Variants in LRRC23 observed in about 807,000 individuals in gnomAD.
LRRC23 encodes the protein leucine rich repeat containing 23.
Under a neutral mutation model 37.7 loss-of-function variants are expected in LRRC23, and 28 were observed. That is an observed-to-expected ratio of 0.74 (90% CI 0.55 to 1.02). The LOEUF is 1.02. LRRC23 is among the 50% of genes least tolerant of loss of function. LRRC23 has a pLI of 0.00. For missense variants in LRRC23, 377 were observed against 413.2 expected (o/e 0.91, Z 0.76); for synonymous variants, 161 against 165.4 (o/e 0.97, Z 0.20).
chr12:6,912,386 C>T (rs1591645435), intron 6 of LRRC23, among the ~76,000 whole-genome samples: 1 of 152,122 alleles, frequency 6.6e-6, no homozygotes, highest in South Asian at 2.1e-4. Flanking sequence ...TTCTACCCTC[C>T]ATTTAGGTGT....
intron 6 of LRRC23, among the ~76,000 whole-genome samples, chr12:6,912,158 G>T (rs1555140829): frequency 6.6e-6 from 1 of 152,110 alleles, no homozygotes; most frequent in Non-Finnish European, 1.5e-5. Context: ...CTCCAGCTTA[G>T]ATCCCAGTTC....
rs143109309 is a variant in LRRC23 at position 6,912,328 on chromosome 12, C to T, written c.759-402C>T. ...GCCCAGCTAATTTTTTTATTTTTAG[C>T]TTTTGTACAGATGGGGTCTCGCTAT... On this transcript the variant is annotated intron_variant, in intron 6 of 7. Coordinates refer to ENST00000443597, the MANE Select transcript of LRRC23 (RefSeq NM_001135217.2). Among the ~76,000 whole-genome samples, 802 of 152,120 alleles carry T rather than the reference C, an allele frequency of 5.3e-3. 5 individuals carry two copies. The highest frequency in any genetic ancestry group is 0.019 in the African/African-American group (773 of 41,490).
Position 6,905,875 on chromosome 12 carries a change from A to G in LRRC23, c.157A>G (p.Met53Val), listed in dbSNP as rs781792889. The change falls in exon 3 of 8, where the codon ATG becomes GTG. Residue 53 changes from methionine to valine, a missense_variant. Around this residue, in one of 3 missense-constraint regions of LRRC23, gnomAD observed 106 missense variants for 105.9 expected, o/e 1.00. Coordinates refer to ENST00000443597, the MANE Select transcript of LRRC23 (RefSeq NM_001135217.2). ...WLPTPLTEDM[M>V]KEGLSLLCKT... Reference sequence around the variant, plus strand: ...GCCCACCCCCCTCACGGAGGACATGATGAAGGAAGGGCTTTCTCTGCTCTG... The same window carrying G: ...GCCCACCCCCCTCACGGAGGACATGGTGAAGGAAGGGCTTTCTCTGCTCTG... The G allele has an allele frequency of 6.2e-7, 1 of 1,613,972 alleles. No homozygotes were observed. The highest frequency in any genetic ancestry group is 2.2e-5 in the East Asian group (1 of 44,862).
At position 6,905,619 on chromosome 12, in the gene LRRC23, C is replaced by A. The variant is rs782123957; in HGVS notation, c.-15C>A. ...TGAGCTTATCTGACTCCAGAGCTTT[C>A]AGGAGGGAAGAAAGATGTCAGATGA... On this transcript the variant is annotated 5_prime_UTR_variant, in exon 2 of 8. Coordinates refer to ENST00000443597, the MANE Select transcript of LRRC23 (RefSeq NM_001135217.2). 6.2e-7 allele frequency: 1 copy of A among 1,613,346 alleles called. No homozygotes were observed. Among genetic ancestry groups the A allele is most frequent in the South Asian group, 1.1e-5 (1 of 90,968 alleles).
chr12:6,905,477 A>G, intron 1 of LRRC23, 108 bp from the exon 2 acceptor site: 1 of 671,204 alleles, frequency 1.5e-6, no homozygotes, highest in Non-Finnish European at 2.7e-6. Context: ...TAAGGAAAGA[A>G]GCCTAGAGTT....
At position 6,914,158 on chromosome 12, in the gene LRRC23, G is replaced by C; in HGVS notation, c.*292G>C. The C allele has an allele frequency of 7.7e-7, 1 of 1,298,706 alleles. No individual in the cohort carries two copies. Among genetic ancestry groups the C allele is most frequent in the Non-Finnish European group, 1.0e-6 (1 of 959,576 alleles). 80.4% of individuals were successfully genotyped at this position (1,298,706 alleles called of 1,614,324 possible). ...AAGACCGCGTGGGCCGCGGGGTGCT[G>C]GTAGGAGTGGTTGGAGAGACTTGCG... On this transcript the variant is annotated 3_prime_UTR_variant, in exon 8 of 8. Transcript: ENST00000443597. This position sits in a 1 kb window ranked among gnomAD's most constrained non-coding sequence, Gnocchi z 7.1.
chr12:6,905,660 C>T lies in LRRC23; in HGVS notation c.27C>T (p.Asp9=), dbSNP rs782586389. 6.2e-7 allele frequency: 1 copy of T among 1,613,762 alleles called. No individual in the cohort carries two copies. ...TGTCAGATGAAGATGATCTAGAAGACTCTGAGCCAGACCAGGATGATTCTG... is the reference window on the plus strand; with the variant it reads ...TGTCAGATGAAGATGATCTAGAAGATTCTGAGCCAGACCAGGATGATTCTG... MSDEDDLE[D]SEPDQDDSEK... Residue 9 remains aspartate (D), a synonymous_variant, in exon 2 of 8, where the codon GAC becomes GAT. Coordinates refer to ENST00000443597, the MANE Select transcript of LRRC23 (RefSeq NM_001135217.2).
rs782631784 is a variant in LRRC23, at chr12:6,913,874, C to A, written c.*25-17C>A. On this transcript the variant is annotated splice_polypyrimidine_tract_variant and intron_variant, in intron 7 of 7. Transcript: ENST00000443597. The stretch of plus-strand genomic sequence containing the variant: ...CACAGCGCCTGGTCCCTATTTACTT[C>A]TGTCTTCTACCTCCAGGAGATCAAA... 2.5e-5 allele frequency: 39 copies of A among 1,550,466 alleles called. No homozygotes were observed. The South Asian group carries it at 4.6e-4, about 18-fold the overall frequency.
At chr12:6,909,079 T>TAA (rs1307626717) in intron 5 of LRRC23, among the ~76,000 whole-genome samples, 5 of 34,536 alleles carry the variant, frequency 1.4e-4, no homozygotes, top group Non-Finnish European at 2.0e-4. Flanking sequence ...ATATTATATA[T>TAA]TATATAATTA....
chr12:6,905,471 G>A lies in LRRC23; in HGVS notation c.-49-114G>A, dbSNP rs183080216. The A allele has an allele frequency of 1.7e-3, 1,094 of 655,832 alleles. 15 individuals carry two copies. The African/African-American group carries it at 0.018, about 11-fold the overall frequency. The allele number at this position is 655,832 out of a possible 1,614,324, so 40.6% of individuals were successfully genotyped here. A position where few individuals can be genotyped will look rare whatever the true frequency, so the allele number is the denominator to read the frequency against. On this transcript the variant is annotated intron_variant, in intron 1 of 7. Transcript: ENST00000443597. ...AAAATGAGATGTTCACAGGGATAAGGAAAGAAGCCTAGAGTTGGTGGGTCA... is the reference window on the plus strand; with the variant it reads ...AAAATGAGATGTTCACAGGGATAAGAAAAGAAGCCTAGAGTTGGTGGGTCA...
chr12:6,910,762 TA>T (rs1945138047), intron 6 of LRRC23, among the ~76,000 whole-genome samples: 2 of 151,346 alleles, frequency 1.3e-5, no homozygotes, highest in South Asian at 4.2e-4. Flanking sequence ...AAATTAAAAA[TA>T]AAAATTAACT....
At chr12:6,907,231 G>A (rs1438577320) in intron 4 of LRRC23, 84 bp from the exon 5 acceptor site, 1 of 1,530,452 alleles carries the variant, frequency 6.5e-7, no homozygotes, top group Non-Finnish European at 9.0e-7. Flanking sequence ...CGAATGGTAG[G>A]ATGATTTAGA....
intron 5 of LRRC23, among the ~76,000 whole-genome samples, chr12:6,909,026 ATATATAT>A (rs782200561): frequency 1.0e-5 from 1 of 95,570 alleles, no homozygotes; most frequent in Admixed American, 1.8e-4. Flanking sequence ...GAAAACCGAT[ATATATAT>A]TATATATTAT....
chr12:6,905,996 G>A (rs1246566004), intron 3 of LRRC23, 42 bp downstream of exon 3: 4 of 1,511,716 alleles, frequency 2.6e-6, no homozygotes, highest in African/African-American at 1.4e-5. Context: ...GAGACTGTAG[G>A]GCCCCTATCT....
rs1565553383 is a variant in LRRC23, at chr12:6,909,095, TATATATAA to T, written c.622-794_622-787del. On this transcript the variant is annotated intron_variant, in intron 5 of 7. Coordinates refer to ENST00000443597, the MANE Select transcript of LRRC23 (RefSeq NM_001135217.2). ...TATTATATATTATATAATTATATAT[TATATATAA>T]TATATAATTACATATAATATATAAT... 2.7e-4 allele frequency among the ~76,000 whole-genome samples: 11 copies of T among 40,338 alleles called. 1 individual carries two copies. The South Asian group carries it at 2.9e-3, about 11-fold the overall frequency. The allele number at this position is 40,338 out of a possible 152,430, so 26.5% of individuals were successfully genotyped here.
At chr12:6,905,471 GA>G in intron 1 of LRRC23, 113 bp from the exon 2 acceptor site, 1 of 655,840 alleles carries the variant, frequency 1.5e-6, no homozygotes, top group Non-Finnish European at 2.7e-6. Context: ...CAGGGATAAG[GA>G]AAGAAGCCTA....
Position 6,909,976 on chromosome 12 carries a change from CCT to C in LRRC23, c.709_710del (p.Leu237GlufsTer42), listed in dbSNP as rs782383646. Reference sequence around the variant, plus strand: ...ATCTTCGAGACAACCAGATTGACACCCTGAGTGGCTTCTCCAGAGAAATGAAA... The same window carrying C: ...ATCTTCGAGACAACCAGATTGACACCGAGTGGCTTCTCCAGAGAAATGAAA... Reference protein sequence around the residue: ...LHLRDNQIDTLSGFSREMKSL... With the variant: ...LHLRDNQIDTXSGFSREMKSL... On this transcript the variant is annotated frameshift_variant, in exon 6 of 8. Transcript: ENST00000443597. LOFTEE classifies it high-confidence loss of function. 1 of 1,613,802 alleles carries C rather than the reference CCT, an allele frequency of 6.2e-7. No individual in the cohort carries two copies. The highest frequency in any genetic ancestry group is 8.5e-7 in the Non-Finnish European group (1 of 1,179,898).
chr12:6,906,714 C>T, intron 4 of LRRC23, 52 bp downstream of exon 4: 1 of 1,587,812 alleles, frequency 6.3e-7, no homozygotes, highest in South Asian at 1.2e-5. Flanking sequence ...AGCCTGAGGC[C>T]AACAGAAGTG....
intron 6 of LRRC23, among the ~76,000 whole-genome samples, chr12:6,910,546 C>G (rs549207461): frequency 2.0e-5 from 3 of 151,744 alleles, no homozygotes; most frequent in Non-Finnish European, 4.4e-5. Flanking sequence ...CCATCTCTAC[C>G]AAAAATACAA....
Sources: gnomAD v4.1 joint callset for allele counts (sites outside exome capture counted in the v4.1 genomes callset) on GRCh38, gnomAD v4.1.1 for gene constraint, gnomAD v4.1.1 regional missense constraint, Gnocchi (gnomAD v3.1) non-coding constraint, MANE v1.5 for transcripts, NCBI Gene and HGNC (gene_info 2026-07-23, HGNC 2026-07-21) for gene names.